TM9SF2: variants seen among roughly 807,000 people sequenced by gnomAD.
TM9SF2 encodes 76 kDa membrane protein.
A neutral mutation model predicts 84.9 loss-of-function variants in TM9SF2; 13 were observed. That is an observed-to-expected ratio of 0.15 (90% confidence interval 0.10 to 0.24). TM9SF2 has a LOEUF of 0.24. TM9SF2 is among the 10% of genes least tolerant of loss of function. The pLI is 1.00. For synonymous variants in TM9SF2, 273 were observed against 285.8 expected (o/e 0.96, Z 0.45); for missense variants, 562 against 818.5 (o/e 0.69, Z 3.82).
intron 1 of TM9SF2, among the ~76,000 whole-genome samples, chr13:99,512,448 A>G (rs1056651832): frequency 6.6e-6 from 1 of 152,214 alleles, no homozygotes; most frequent in African/African-American, 2.4e-5. Context: ...GGGTTGACAA[A>G]TAAGGTACAT....
chr13:99,529,372 T>C (rs1265872978), intron 3 of TM9SF2, 95 bp from the exon 4 acceptor site: 1 of 1,165,046 alleles, frequency 8.6e-7, no homozygotes, highest in Non-Finnish European at 1.1e-6. Flanking sequence ...ACTTAAGTAA[T>C]TTAATGGGAC....
intron 15 of TM9SF2, among the ~76,000 whole-genome samples, chr13:99,559,127 T>TTCCACACAC (rs748818766): frequency 6.6e-6 from 1 of 152,352 alleles, no homozygotes; most frequent in Non-Finnish European, 1.5e-5. Context: ...TTTAAGCTGC[T>TTCCACACAC]TCCACACATT....
intron 3 of TM9SF2, among the ~76,000 whole-genome samples, chr13:99,527,216 T>C (rs1161868251): frequency 6.6e-6 from 1 of 152,140 alleles, no homozygotes; most frequent in Non-Finnish European, 1.5e-5. Context: ...GTAGAGGGCA[T>C]AATGGGATTA....
At chr13:99,505,004 C>T (rs573896701) in intron 1 of TM9SF2, among the ~76,000 whole-genome samples, 1 of 152,246 alleles carries the variant, frequency 6.6e-6, no homozygotes, top group East Asian at 1.9e-4. Flanking sequence ...TAGGTAAAGA[C>T]AAGAAGAAGT....
At chr13:99,524,352 C>T (rs1037819820) in intron 3 of TM9SF2, among the ~76,000 whole-genome samples, 18 of 151,804 alleles carry the variant, frequency 1.2e-4, no homozygotes, top group South Asian at 4.2e-4. Flanking sequence ...TGAAGGTGGC[C>T]GACAGAATTT....
chr13:99,534,412 T>C (rs2046224669), intron 4 of TM9SF2, among the ~76,000 whole-genome samples: 1 of 152,234 alleles, frequency 6.6e-6, no homozygotes, highest in Non-Finnish European at 1.5e-5. Context: ...AACTGTGGGC[T>C]ACCCTCTTTG....
intron 4 of TM9SF2, among the ~76,000 whole-genome samples, chr13:99,530,586 G>C (rs1327507237): frequency 6.6e-6 from 1 of 152,208 alleles, no homozygotes; most frequent in Non-Finnish European, 1.5e-5. Flanking sequence ...ATTATGCTTT[G>C]GGGAAAAGGA....
intron 12 of TM9SF2, among the ~76,000 whole-genome samples, chr13:99,549,486 G>C (rs2046296957): frequency 6.6e-6 from 1 of 152,044 alleles, no homozygotes; most frequent in Non-Finnish European, 1.5e-5. Flanking sequence ...GTTTTTAGTG[G>C]TCAGTCTGAC....
At chr13:99,529,626 T>A in intron 4 of TM9SF2, 32 bp downstream of exon 4, 2 of 1,485,148 alleles carry the variant, frequency 1.3e-6, no homozygotes, top group Non-Finnish European at 1.8e-6. Flanking sequence ...TTTTGGGGTT[T>A]ATCCTTTCCA....
At chr13:99,560,744 C>G (rs996684595) in intron 16 of TM9SF2, among the ~76,000 whole-genome samples, 2 of 152,078 alleles carry the variant, frequency 1.3e-5, no homozygotes, top group African/African-American at 4.8e-5. Flanking sequence ...TGCAGTGGCG[C>G]GATCTCAGCT....
intron 1 of TM9SF2, among the ~76,000 whole-genome samples, chr13:99,511,230 C>T (rs979337317): frequency 6.6e-6 from 1 of 151,950 alleles, no homozygotes; most frequent in Non-Finnish European, 1.5e-5. Context: ...TTTCACTCAC[C>T]TAGACCACCT....
In TM9SF2 at chr13:99,523,220, C is replaced by T. The variant is rs142830580; in HGVS notation, c.333+3091C>T. Among the ~76,000 whole-genome samples, 790 of 152,250 alleles carry T rather than the reference C, an allele frequency of 5.2e-3. 12 individuals carry two copies. Among genetic ancestry groups the T allele is most frequent in the African/African-American group, 0.018 (736 of 41,540 alleles). ...TCACGCTGTGGCCTGGGCTGGGCCA[C>T]GGCTCACTGCAGCCTTGAACTCCCA... On this transcript the variant is annotated intron_variant, in intron 3 of 16. Coordinates refer to ENST00000376387, the MANE Select transcript of TM9SF2 (RefSeq NM_004800.3).
At chr13:99,531,464 C>T (rs1219617510) in intron 4 of TM9SF2, among the ~76,000 whole-genome samples, 1 of 152,136 alleles carries the variant, frequency 6.6e-6, no homozygotes, top group Admixed American at 6.6e-5. Flanking sequence ...CGCATTCCCT[C>T]CTACCCCTTA....
At position 99,539,489 on chromosome 13, in the gene TM9SF2, C is replaced by G; in HGVS notation, c.760C>G (p.Pro254Ala). 1 of 1,613,886 alleles carries G rather than the reference C, an allele frequency of 6.2e-7. No individual in the cohort carries two copies. Among genetic ancestry groups the G allele is most frequent in the Middle Eastern group, 1.6e-4 (1 of 6,062 alleles). The change falls in exon 7 of 17, where the codon CCC becomes GCC. Residue 254 changes from proline (P) to alanine (A), a missense_variant. By Grantham distance (27) the Pro-to-Ala change is conservative. Around this residue, in one of 4 missense-constraint regions of TM9SF2, gnomAD observed 267 missense variants for 316.7 expected, o/e 0.84. Transcript: ENST00000376387. ...AGATAAACCAGACTGCTCAGGGCCC[C>G]CCATGGACATAAGTAACAAGGCTTC... ...HIDKPDCSGP[P>A]MDISNKASGE...
At chr13:99,559,213 G>T (rs867338996) in intron 15 of TM9SF2, 150 bp from the exon 16 acceptor site, 42 of 616,020 alleles carry the variant, frequency 6.8e-5, no homozygotes, top group Non-Finnish European at 9.9e-5. Context: ...AGTGGAATGG[G>T]TGAAGTTCAA....
At chr13:99,550,416 A>G (rs1377344578) in intron 12 of TM9SF2, among the ~76,000 whole-genome samples, 1 of 152,242 alleles carries the variant, frequency 6.6e-6, no homozygotes, top group African/African-American at 2.4e-5. Flanking sequence ...TTTCAAATCC[A>G]GAAACGATTT....
At chr13:99,502,557 G>A (rs1326785758) in intron 1 of TM9SF2, among the ~76,000 whole-genome samples, 1 of 152,210 alleles carries the variant, frequency 6.6e-6, no homozygotes, top group Non-Finnish European at 1.5e-5. Context: ...GGCAAGTCTT[G>A]AAAACTTTGA....
At chr13:99,522,804 C>A (rs2046166134) in intron 3 of TM9SF2, among the ~76,000 whole-genome samples, 1 of 152,154 alleles carries the variant, frequency 6.6e-6, no homozygotes, top group Non-Finnish European at 1.5e-5. Flanking sequence ...CAGGTTACTC[C>A]CCTTAGTAGG....
intron 3 of TM9SF2, among the ~76,000 whole-genome samples, chr13:99,524,410 G>A (rs534803009): frequency 7.2e-5 from 11 of 152,168 alleles, no homozygotes; most frequent in East Asian, 1.9e-4. Flanking sequence ...TCTAAGATGG[G>A]GCAGTCTGTG....
Sources: allele counts gnomAD v4.1 joint callset (sites outside exome capture counted in the v4.1 genomes callset), GRCh38; gene constraint gnomAD v4.1.1; regional missense constraint gnomAD v4.1.1; transcripts MANE v1.5; gene names NCBI Gene and HGNC (gene_info 2026-07-23, HGNC 2026-07-21).